The following CHRNA3 variants were observed in gnomAD, a reference collection of about 807,000 sequenced individuals.
CHRNA3 encodes the protein cholinergic receptor nicotinic alpha 3 subunit.
In CHRNA3, 34 loss-of-function variants were observed where a neutral mutation model predicts 41.9. The observed-to-expected ratio is 0.81, with a 90% CI of 0.62 to 1.08. The LOEUF (loss-of-function observed/expected upper bound fraction) is 1.08, where lower values mean the gene tolerates loss of function less well. CHRNA3 is among the 50% of genes least tolerant of loss of function. The probability of loss-of-function intolerance (pLI) is 0.00; values close to 1 mark genes in which losing one functional copy is unlikely to be tolerated. For synonymous variants in CHRNA3, 281 were observed against 265.2 expected (o/e 1.06, Z -0.58); for missense variants, 542 against 638.3 (o/e 0.85, Z 1.63).
intron 4 of CHRNA3, among the ~76,000 whole-genome samples, chr15:78,606,325 A>T (rs868505182): frequency 1.0e-5 from 1 of 99,464 alleles, no homozygotes; most frequent in Non-Finnish European, 2.1e-5. Flanking sequence ...AAAAAACAGA[A>T]GATGTCTCAA....
chr15:78,610,095 C>T (rs1300969368), intron 4 of CHRNA3, among the ~76,000 whole-genome samples: 1 of 152,274 alleles, frequency 6.6e-6, no homozygotes, highest in East Asian at 1.9e-4. Context: ...TAGAGACCTA[C>T]AAAGAGACTT....
At chr15:78,604,365 G>T (rs982201065) in intron 4 of CHRNA3, among the ~76,000 whole-genome samples, 50 of 152,322 alleles carry the variant, frequency 3.3e-4, no homozygotes, top group African/African-American at 1.0e-3. Flanking sequence ...GGAATGACTT[G>T]CTCGAGACTC....
intron 4 of CHRNA3, among the ~76,000 whole-genome samples, chr15:78,605,881 A>C (rs1449017363): frequency 1.3e-5 from 2 of 152,172 alleles, no homozygotes; most frequent in Admixed American, 6.5e-5. Context: ...ATGACTGTGG[A>C]GACTGGGGAG....
rs2053538108 is a variant in CHRNA3 at position 78,620,744 on chromosome 15, CA to C, written c.50del (p.Leu17ArgfsTer37). The C allele has an allele frequency of 8.0e-6, 12 of 1,499,390 alleles. No individual in the cohort carries two copies. The highest frequency in any genetic ancestry group is 2.8e-5 in the East Asian group (1 of 35,610). The allele number at this position is 1,499,390 out of a possible 1,614,324, so 92.9% of individuals were successfully genotyped here. The part of the protein sequence containing the change: ...SLPLALSPPR[L>X]LLLLLLSLLP... ...GCAGAGACAGCAGCAGCAGCAGCAG[CA>C]GCCGCGGCGGCGACAGCGCCAGGGG... is the stretch of plus-strand genomic sequence containing the variant. On this transcript the variant is annotated frameshift_variant, in exon 1 of 6. Coordinates refer to ENST00000326828, the MANE Select transcript of CHRNA3 (RefSeq NM_000743.5). LOFTEE classifies it high-confidence loss of function.
At chr15:78,612,241 CAG>C (rs2053390610) in intron 4 of CHRNA3, among the ~76,000 whole-genome samples, 1 of 151,106 alleles carries the variant, frequency 6.6e-6, no homozygotes, top group Non-Finnish European at 1.5e-5. Context: ...GGAACCAAAA[CAG>C]AGCCCGCATC....
intron 4 of CHRNA3, among the ~76,000 whole-genome samples, chr15:78,613,908 T>TG (rs1164831059): frequency 1.3e-5 from 2 of 150,912 alleles, no homozygotes; most frequent in Non-Finnish European, 2.9e-5. Flanking sequence ...ATCATGCCAC[T>TG]GCACTCCAGC....
intron 5 of CHRNA3, 68 bp from the exon 6 acceptor site, chr15:78,596,800 G>A (rs2053120047): frequency 6.5e-7 from 1 of 1,538,498 alleles, no homozygotes. Flanking sequence ...TTTCAATACT[G>A]AAGATGTAAT....
intron 1 of CHRNA3, chr15:78,620,375 G>GGCAGGGCGACGGGCAGCGCGGT: frequency 5.9e-6 from 2 of 338,568 alleles, no homozygotes; most frequent in Non-Finnish European, 1.1e-5. Flanking sequence ...CAGTGCGCGG[G>GGCAGGGCGACGGGCAGCGCGGT]GCAGGGCGAC....
Position 78,596,264 on chromosome 15 carries a change from A to T in CHRNA3, c.*340T>A. On this transcript the variant is annotated 3_prime_UTR_variant, in exon 6 of 6. Coordinates refer to ENST00000326828, the MANE Select transcript of CHRNA3 (RefSeq NM_000743.5). ...TGTAGTGATAACTGAATGACTTTTC[A>T]TATTTCTGAACAGCATTTTTCTATC... 1 of 994,484 alleles carries T rather than the reference A, an allele frequency of 1.0e-6. No individual in the cohort carries two copies. The highest frequency in any genetic ancestry group is 1.2e-6 in the Non-Finnish European group (1 of 836,004). The allele number at this position is 994,484 out of a possible 1,614,324, so 61.6% of individuals were successfully genotyped here.
intron 5 of CHRNA3, among the ~76,000 whole-genome samples, chr15:78,598,595 C>CA (rs2053148854): frequency 6.6e-6 from 1 of 152,110 alleles, no homozygotes; most frequent in Non-Finnish European, 1.5e-5. Context: ...GGCTGGAGTG[C>CA]AGTGGCATGA....
At chr15:78,615,549 G>A (rs187012093) in intron 4 of CHRNA3, among the ~76,000 whole-genome samples, 180 of 152,264 alleles carry the variant, frequency 1.2e-3, no homozygotes, top group African/African-American at 4.3e-3. Flanking sequence ...AAGCAAGCTG[G>A]TCACACAGCC....
Position 78,602,097 on chromosome 15 carries a change from T to C in CHRNA3, c.545A>G (p.Tyr182Cys). ...NCTMKFGSWSYDKAKIDLVLI... is the reference protein window; with the variant it reads ...NCTMKFGSWSCDKAKIDLVLI... Reference sequence around the variant, plus strand: ...GACCAGATCGATTTTCGCCTTATCGTAGGACCAGGAACCGAACTTCATGGT... The same window carrying C: ...GACCAGATCGATTTTCGCCTTATCGCAGGACCAGGAACCGAACTTCATGGT... Residue 182 changes from tyrosine (Y) to cysteine (C), a missense_variant, in exon 5 of 6, where the codon TAC (tyrosine) becomes TGC (cysteine). Transcript: ENST00000326828. 6.2e-7 allele frequency: 1 copy of C among 1,614,140 alleles called. No homozygotes were observed. The highest frequency in any genetic ancestry group is 8.5e-7 in the Non-Finnish European group (1 of 1,180,024).
downstream of CHRNA3, chr15:78,595,268 CATCT>C: frequency 2.0e-6 from 2 of 984,276 alleles, no homozygotes; most frequent in Non-Finnish European, 2.4e-6. Context: ...TTTTTATCGA[CATCT>C]TTCTTTTGAC....
intron 4 of CHRNA3, among the ~76,000 whole-genome samples, chr15:78,610,185 C>G (rs191922107): frequency 1.3e-5 from 2 of 152,060 alleles, no homozygotes; most frequent in Non-Finnish European, 2.9e-5. Context: ...AAGTTAACAA[C>G]GATACCCAGG....
rs2053507962 is a variant in CHRNA3, at chr15:78,618,909, C to T, written c.89G>A (p.Arg30Lys). The T allele has an allele frequency of 1.9e-6, 3 of 1,613,298 alleles. No homozygotes were observed. The highest frequency in any genetic ancestry group is 4.5e-5 in the East Asian group (2 of 44,878). ...TAGACGGTGCTCAGCCTCTGAGGCCCTGGCCACTGTGGGAAGCAGCCCTGT... is the reference window on the plus strand; with the variant it reads ...TAGACGGTGCTCAGCCTCTGAGGCCTTGGCCACTGTGGGAAGCAGCCCTGT... ...LLLLSLLPVA[R>K]ASEAEHRLFE... is the part of the protein sequence containing the mutation. Residue 30 changes from arginine (R) to lysine (K), a missense_variant, in exon 2 of 6, where the codon AGG (arginine) becomes AAG (lysine). Coordinates refer to ENST00000326828, the MANE Select transcript of CHRNA3 (RefSeq NM_000743.5).
intron 4 of CHRNA3, among the ~76,000 whole-genome samples, chr15:78,612,962 T>A (rs1370438227): frequency 6.6e-6 from 1 of 151,904 alleles, no homozygotes; most frequent in Non-Finnish European, 1.5e-5. Context: ...AAAAAACACA[T>A]GAAAAAATGC....
At chr15:78,618,204 G>A (rs1017112787) in intron 3 of CHRNA3, among the ~76,000 whole-genome samples, 5 of 152,132 alleles carry the variant, frequency 3.3e-5, no homozygotes, top group African/African-American at 9.7e-5. Flanking sequence ...CCGAGATCAC[G>A]CCACAGCACT....
At position 78,602,806 on chromosome 15, in the gene CHRNA3, C is replaced by T. The variant is rs563127922; in HGVS notation, c.378-542G>A. 5.3e-5 allele frequency among the ~76,000 whole-genome samples: 8 copies of T among 152,286 alleles called. No individual in the cohort carries two copies. The South Asian group carries it at 1.7e-3, about 32-fold the overall frequency. On this transcript the variant is annotated intron_variant, in intron 4 of 5. Coordinates refer to ENST00000326828, the MANE Select transcript of CHRNA3 (RefSeq NM_000743.5). ...CTTGTCAGATGGATTTACTTCCAAA[C>T]CCTATCTCTGGATCCTGATTTGACC... is the stretch of plus-strand genomic sequence containing the variant.
Position 78,618,598 on chromosome 15 carries a change from C to A in CHRNA3, c.267+19G>T. The A allele has an allele frequency of 6.2e-7, 1 of 1,614,016 alleles. No homozygotes were observed. Among genetic ancestry groups the A allele is most frequent in the Non-Finnish European group, 8.5e-7 (1 of 1,180,000 alleles). ...AGTCACCACCAGGGGGCAGCAGTGCCTAGGGTCTGGTCACTTACTTGCTTG... is the reference window on the plus strand; with the variant it reads ...AGTCACCACCAGGGGGCAGCAGTGCATAGGGTCTGGTCACTTACTTGCTTG... On this transcript the variant is annotated intron_variant, in intron 3 of 5. Coordinates refer to ENST00000326828, the MANE Select transcript of CHRNA3 (RefSeq NM_000743.5).
Sources: allele counts gnomAD v4.1 joint callset (sites outside exome capture counted in the v4.1 genomes callset), GRCh38; gene constraint gnomAD v4.1.1; transcripts MANE v1.5; gene names NCBI Gene and HGNC (gene_info 2026-07-23, HGNC 2026-07-21).